TEX264: variants seen among roughly 807,000 people sequenced by gnomAD.
TEX264 encodes testis expressed 264, ER-phagy receptor.
Under a neutral mutation model 23.4 loss-of-function variants are expected in TEX264, and 13 were observed. The observed-to-expected ratio is 0.56, with a 90% confidence interval of 0.36 to 0.88. The LOEUF (loss-of-function observed/expected upper bound fraction) is 0.88, where lower values mean the gene tolerates loss of function less well. TEX264 is among the 40% of genes least tolerant of loss of function. The pLI, the probability that TEX264 is intolerant of heterozygous loss-of-function variation, is 0.01. For synonymous variants in TEX264, 159 were observed against 170.0 expected, an observed-to-expected ratio of 0.94 and a Z score of 0.50; for missense variants, 340 against 406.8, an observed-to-expected ratio of 0.84 and a Z score of 1.41.
At chr3:51,702,468 G>A (rs2107054960) in intron 4 of TEX264, among the ~76,000 whole-genome samples, 1 of 152,276 alleles carries the variant, frequency 6.6e-6, no homozygotes, top group Non-Finnish European at 1.5e-5. Flanking sequence ...TGGGGGTAGG[G>A]AGAGACCCCA....
chr3:51,699,363 G>A (rs749365225), intron 3 of TEX264, 43 bp from the exon 4 acceptor site: 2 of 1,599,218 alleles, frequency 1.3e-6, no homozygotes, highest in Non-Finnish European at 1.7e-6. Flanking sequence ...GTGAGTCAGG[G>A]GCCCTGTAGG....
intron 4 of TEX264, among the ~76,000 whole-genome samples, chr3:51,702,942 C>G (rs1033012849): frequency 6.6e-6 from 1 of 152,192 alleles, no homozygotes; most frequent in African/African-American, 2.4e-5. Context: ...CAGCAGAGTG[C>G]TCTCATCATC....
chr3:51,704,003 A>G lies in TEX264; in HGVS notation c.929A>G (p.Lys310Arg). The G allele has an allele frequency of 1.3e-6, 2 of 1,529,892 alleles. No homozygotes were observed. The highest frequency in any genetic ancestry group is 1.8e-6 in the Non-Finnish European group (2 of 1,137,618). The allele number at this position is 1,529,892 out of a possible 1,614,324, so 94.8% of individuals were successfully genotyped here. A position where few individuals can be genotyped will look rare whatever the true frequency, so the allele number is the denominator to read the frequency against. Residue 310 changes from lysine (K) to arginine (R), a missense_variant, in exon 5 of 5, where the codon AAG becomes AGG. Transcript: ENST00000341333. ...KWLWEPTAPE[K>R]GKE is the part of the protein sequence containing the mutation. ...CTCTGGGAGCCCACTGCCCCTGAGA[A>G]GGGCAAGGAGTAACCCATGGCCTGC... is the stretch of plus-strand genomic sequence containing the variant.
chr3:51,684,306 A>C, intron 2 of TEX264, 107 bp from the exon 3 acceptor site: 8 of 995,812 alleles, frequency 8.0e-6, no homozygotes, highest in South Asian at 1.6e-5. Context: ...ATGGCTTGTC[A>C]GAGCTGCTGG....
chr3:51,703,874 G>GT lies in TEX264; in HGVS notation c.801dup (p.Ala268CysfsTer7). Reference sequence around the variant, plus strand: ...AGCGAGCACAGCTACAGCGAGTCAGGTGCCAGCGGCTCCTCTTTTGAGGAG... The same window carrying GT: ...AGCGAGCACAGCTACAGCGAGTCAGGTTGCCAGCGGCTCCTCTTTTGAGGAG... On this transcript the variant is annotated frameshift_variant, in exon 5 of 5. Transcript: ENST00000341333. LOFTEE classifies it high-confidence loss of function. This position sits in a 1 kb window ranked among gnomAD's most constrained non-coding sequence, Gnocchi z 4.8. 2 of 1,612,288 alleles carry GT rather than the reference G, an allele frequency of 1.2e-6. No individual in the cohort carries two copies. Among genetic ancestry groups the GT allele is most frequent in the Non-Finnish European group, 1.7e-6 (2 of 1,178,828 alleles).
chr3:51,677,625 C>T (rs1476463769), intron 2 of TEX264, among the ~76,000 whole-genome samples: 1 of 152,166 alleles, frequency 6.6e-6, no homozygotes, highest in Non-Finnish European at 1.5e-5. Context: ...ACGGACAGCT[C>T]CCTAGCCATG....
intron 1 of TEX264, among the ~76,000 whole-genome samples, chr3:51,672,964 A>G (rs1394425648): frequency 6.6e-6 from 1 of 152,240 alleles, no homozygotes; most frequent in Non-Finnish European, 1.5e-5. Flanking sequence ...GGGTAGAAGC[A>G]CAGATGGGTG....
chr3:51,679,134 A>G (rs988137674), intron 2 of TEX264, among the ~76,000 whole-genome samples: 3 of 152,160 alleles, frequency 2.0e-5, no homozygotes, highest in Non-Finnish European at 4.4e-5. Flanking sequence ...GGTTTGAATC[A>G]AGGCTCCACT....
At chr3:51,698,545 C>T (rs1703159167) in intron 3 of TEX264, among the ~76,000 whole-genome samples, 1 of 152,172 alleles carries the variant, frequency 6.6e-6, no homozygotes, top group Non-Finnish European at 1.5e-5. Context: ...TCTGGCATGT[C>T]TGTGCCCCTC....
chr3:51,689,567 G>T (rs1702752858), intron 3 of TEX264, among the ~76,000 whole-genome samples: 1 of 152,050 alleles, frequency 6.6e-6, no homozygotes, highest in Admixed American at 6.6e-5. Flanking sequence ...CTATCAGCCT[G>T]TGGTGGGAGC....
chr3:51,678,121 A>T (rs909486484), intron 2 of TEX264, among the ~76,000 whole-genome samples: 1 of 152,132 alleles, frequency 6.6e-6, no homozygotes, highest in African/African-American at 2.4e-5. Flanking sequence ...CCCTTGCATG[A>T]CTGGGGAAGG....
intron 3 of TEX264, among the ~76,000 whole-genome samples, chr3:51,688,384 G>A (rs774267010): frequency 1.1e-4 from 17 of 152,218 alleles, no homozygotes; most frequent in Non-Finnish European, 2.1e-4. Context: ...CTGGGAATTC[G>A]ATGTGTGGGA....
At chr3:51,674,214 G>C in intron 1 of TEX264, 57 bp from the exon 2 acceptor site, 1 of 1,572,198 alleles carries the variant, frequency 6.4e-7, no homozygotes, top group South Asian at 1.2e-5. Flanking sequence ...TGGCGGGCAA[G>C]TGGGCACATT....
intron 4 of TEX264, among the ~76,000 whole-genome samples, chr3:51,702,559 C>T (rs1029696830): frequency 1.2e-4 from 18 of 152,166 alleles, no homozygotes; most frequent in African/African-American, 3.9e-4. Context: ...TGAGTCCAGG[C>T]GCCAAGCAGA....
chr3:51,697,159 C>T (rs541989352), intron 3 of TEX264, among the ~76,000 whole-genome samples: 1 of 152,370 alleles, frequency 6.6e-6, no homozygotes, highest in Non-Finnish European at 1.5e-5. Context: ...CAGGCAACTT[C>T]AGAGCCGGGC....
chr3:51,684,843 A>G (rs1044988329), intron 3 of TEX264, among the ~76,000 whole-genome samples: 1 of 152,260 alleles, frequency 6.6e-6, no homozygotes, highest in Non-Finnish European at 1.5e-5. Flanking sequence ...AAGCCGGAGC[A>G]TATCCCAAGA....
chr3:51,700,034 G>A (rs1439824308), intron 4 of TEX264, among the ~76,000 whole-genome samples: 1 of 152,156 alleles, frequency 6.6e-6, no homozygotes, highest in African/African-American at 2.4e-5. Flanking sequence ...AGAGCCAGCT[G>A]CTTTCTCCCT....
At chr3:51,701,620 C>G (rs554325774) in intron 4 of TEX264, among the ~76,000 whole-genome samples, 6 of 152,032 alleles carry the variant, frequency 3.9e-5, no homozygotes, top group Non-Finnish European at 8.8e-5. Flanking sequence ...CCATGCCCAG[C>G]TGGATTCCTT....
Position 51,691,346 on chromosome 3 carries a change from C to T in TEX264, c.480+6712C>T, listed in dbSNP as rs1702821057. Among the ~76,000 whole-genome samples the T allele has an allele frequency of 6.6e-6, 1 of 152,164 alleles. No homozygotes were observed. Among genetic ancestry groups the T allele is most frequent in the South Asian group, 2.1e-4 (1 of 4,832 alleles). On this transcript the variant is annotated intron_variant, in intron 3 of 4. Transcript: ENST00000341333. This position sits in a 1 kb window ranked among gnomAD's most constrained non-coding sequence, Gnocchi z 4.4. The stretch of plus-strand genomic sequence containing the variant: ...GCTGGTACTGCCACCTGCTAAGTGG[C>T]CTGCTCTGGCACAGGGAGGAGGGCA...
Sources: gnomAD v4.1 joint callset for allele counts (sites outside exome capture counted in the v4.1 genomes callset) on GRCh38, gnomAD v4.1.1 for gene constraint, Gnocchi (gnomAD v3.1) non-coding constraint, MANE v1.5 for transcripts, NCBI Gene and HGNC (gene_info 2026-07-23, HGNC 2026-07-21) for gene names.